PPM1H: variants seen among roughly 807,000 people sequenced by gnomAD.
PPM1H encodes the protein protein phosphatase 1H.
A neutral mutation model predicts 54.9 loss-of-function variants in PPM1H; 27 were observed. That is an observed-to-expected ratio of 0.49 (90% confidence interval 0.36 to 0.68). The LOEUF is 0.68. PPM1H is among the 30% of genes least tolerant of loss of function. The probability of loss-of-function intolerance (pLI) is 0.00; values close to 1 mark genes in which losing one functional copy is unlikely to be tolerated. For missense variants in PPM1H, 596 were observed against 667.8 expected, an observed-to-expected ratio of 0.89 and a Z score of 1.19; for synonymous variants, 305 against 270.8, an observed-to-expected ratio of 1.13 and a Z score of -1.24.
rs186045786 is a variant in PPM1H at position 62,831,153 on chromosome 12, G to T, written c.411+961C>A. On this transcript the variant is annotated intron_variant, in intron 2 of 9. Transcript: ENST00000228705. Reference sequence around the variant, plus strand: ...CAGGCGTGAGCCACCATGCCCAGCCGCAATGAGATACTATTTCTAAAACTA... The same window carrying T: ...CAGGCGTGAGCCACCATGCCCAGCCTCAATGAGATACTATTTCTAAAACTA... Among the ~76,000 whole-genome samples, 802 of 152,226 alleles carry T rather than the reference G, an allele frequency of 5.3e-3. 4 individuals carry two copies. The highest frequency in any genetic ancestry group is 0.01 in the Middle Eastern group (3 of 294).
intron 8 of PPM1H, among the ~76,000 whole-genome samples, chr12:62,688,502 T>G (rs999549139): frequency 6.6e-6 from 1 of 152,200 alleles, no homozygotes; most frequent in Admixed American, 6.5e-5. Flanking sequence ...TTTCCAAATT[T>G]GGAAGCAAAA....
At chr12:62,879,574 G>T (rs539470492) in intron 1 of PPM1H, among the ~76,000 whole-genome samples, 1 of 152,148 alleles carries the variant, frequency 6.6e-6, no homozygotes, top group African/African-American at 2.4e-5. Context: ...AGAACACATG[G>T]ACACAGGGAG....
At chr12:62,828,548 T>C (rs890839366) in intron 2 of PPM1H, among the ~76,000 whole-genome samples, 13 of 152,326 alleles carry the variant, frequency 8.5e-5, no homozygotes, top group African/African-American at 3.1e-4. Context: ...CCACTTTGTT[T>C]TGTATCTCCA....
rs182138342 is a variant in PPM1H, at chr12:62,729,341, G to A, written c.954+8161C>T. Among the ~76,000 whole-genome samples the A allele has an allele frequency of 1.6e-4, 24 of 152,288 alleles. 1 individual carries two copies. In the East Asian group the frequency reaches 4.2e-3, roughly 27 times the overall value. On this transcript the variant is annotated intron_variant, in intron 5 of 9. Coordinates refer to ENST00000228705, the MANE Select transcript of PPM1H (RefSeq NM_020700.2). The stretch of plus-strand genomic sequence containing the variant: ...AGTGGGAGAGAGCATGGCATTTGGA[G>A]GTAATCCTAGGAGAGAAGAGAGTGG...
intron 5 of PPM1H, among the ~76,000 whole-genome samples, chr12:62,732,756 T>C (rs1370744752): frequency 6.6e-6 from 1 of 151,934 alleles, no homozygotes; most frequent in Non-Finnish European, 1.5e-5. Flanking sequence ...GTATTTTTAG[T>C]AGGGACGGGG....
At chr12:62,725,410 A>G (rs2076284682) in intron 5 of PPM1H, among the ~76,000 whole-genome samples, 1 of 152,198 alleles carries the variant, frequency 6.6e-6, no homozygotes, top group Non-Finnish European at 1.5e-5. Flanking sequence ...CCCCATATCC[A>G]GAGGAAAGAA....
intron 1 of PPM1H, among the ~76,000 whole-genome samples, chr12:62,890,885 G>A (rs1286736624): frequency 6.6e-6 from 1 of 151,954 alleles, no homozygotes; most frequent in African/African-American, 2.4e-5. Context: ...CAAGGCAGGC[G>A]GCTCACCTGA....
chr12:62,653,351 C>G (rs2075825761), intron 9 of PPM1H, among the ~76,000 whole-genome samples: 1 of 152,200 alleles, frequency 6.6e-6, no homozygotes, highest in Non-Finnish European at 1.5e-5. Flanking sequence ...TTTTACCTTG[C>G]AGATTTCAAC....
chr12:62,924,537 T>G (rs1871912117), intron 1 of PPM1H, among the ~76,000 whole-genome samples: 1 of 152,220 alleles, frequency 6.6e-6, no homozygotes, highest in Non-Finnish European at 1.5e-5. Context: ...CATAAGGAGA[T>G]GCGAATTTAC....
intron 1 of PPM1H, among the ~76,000 whole-genome samples, chr12:62,927,967 A>G (rs1048775068): frequency 1.3e-5 from 2 of 152,238 alleles, no homozygotes; most frequent in Non-Finnish European, 2.9e-5. Flanking sequence ...CATTAGACAC[A>G]GTGAAAAACC....
At chr12:62,700,392 C>T (rs1565761079) in intron 6 of PPM1H, among the ~76,000 whole-genome samples, 1 of 152,116 alleles carries the variant, frequency 6.6e-6, no homozygotes, top group Non-Finnish European at 1.5e-5. Flanking sequence ...TTCTTCCTAC[C>T]TTATGGCTAA....
At chr12:62,737,048 T>A (rs2076353320) in intron 5 of PPM1H, among the ~76,000 whole-genome samples, 1 of 152,046 alleles carries the variant, frequency 6.6e-6, no homozygotes, top group South Asian at 2.1e-4. Flanking sequence ...TATCTGAGCA[T>A]GAAGTAGTGG....
At chr12:62,767,803 C>G (rs1714099060) in intron 4 of PPM1H, among the ~76,000 whole-genome samples, 1 of 152,226 alleles carries the variant, frequency 6.6e-6, no homozygotes, top group Non-Finnish European at 1.5e-5. Flanking sequence ...CCTTCCTGGC[C>G]TCTTCCCAGC....
intron 4 of PPM1H, among the ~76,000 whole-genome samples, chr12:62,787,559 C>T (rs764730923): frequency 6.6e-6 from 1 of 152,198 alleles, no homozygotes; most frequent in East Asian, 1.9e-4. Flanking sequence ...GGTGGTGCAA[C>T]CTGTAATCCC....
intron 1 of PPM1H, among the ~76,000 whole-genome samples, chr12:62,896,435 C>T (rs771965): frequency 0.014 from 2,162 of 152,182 alleles, 29 homozygotes; most frequent in African/African-American, 0.033. Flanking sequence ...AAAAAGTGGG[C>T]GAAGGACATG....
At chr12:62,658,982 A>G in intron 9 of PPM1H, 1 of 719,270 alleles carries the variant, frequency 1.4e-6, no homozygotes, top group Admixed American at 1.7e-5. Context: ...CTAGATCTTG[A>G]TGCCCAACAT....
At chr12:62,669,528 A>G (rs1458033761) in intron 8 of PPM1H, among the ~76,000 whole-genome samples, 1 of 152,190 alleles carries the variant, frequency 6.6e-6, no homozygotes, top group Non-Finnish European at 1.5e-5. Flanking sequence ...TTTGTACACA[A>G]GGGAATCAAC....
chr12:62,927,548 G>A (rs1157306725), intron 1 of PPM1H, among the ~76,000 whole-genome samples: 7 of 151,524 alleles, frequency 4.6e-5, no homozygotes, highest in Admixed American at 3.9e-4. Context: ...TGTAATCCCA[G>A]CTTCTCAGGA....
chr12:62,735,246 C>T (rs949133950), intron 5 of PPM1H, among the ~76,000 whole-genome samples: 2 of 151,766 alleles, frequency 1.3e-5, no homozygotes, highest in African/African-American at 4.8e-5. Flanking sequence ...TCACTCTTTA[C>T]CTAGGCTGCC....
Sources: allele counts gnomAD v4.1 joint callset (sites outside exome capture counted in the v4.1 genomes callset), GRCh38; gene constraint gnomAD v4.1.1; transcripts MANE v1.5; gene names NCBI Gene and HGNC (gene_info 2026-07-23, HGNC 2026-07-21).